Variants in THRAP3 observed in about 807,000 individuals in gnomAD.
THRAP3 encodes thyroid hormone receptor associated protein 3.
In THRAP3, 16 loss-of-function variants were observed where a neutral mutation model predicts 101.0. That is an observed-to-expected ratio of 0.16 (90% CI 0.11 to 0.24). The LOEUF is 0.24. Ranked by LOEUF, THRAP3 falls within the 10% of genes least tolerant of loss-of-function variation. The probability of loss-of-function intolerance (pLI) is 1.00; values close to 1 mark genes in which losing one functional copy is unlikely to be tolerated. For missense variants in THRAP3, 989 were observed against 1,202.7 expected (o/e 0.82, Z 2.63); for synonymous variants, 407 against 422.6 (o/e 0.96, Z 0.45).
At chr1:36,283,420 CT>C (rs2124586433) in intron 3 of THRAP3, among the ~76,000 whole-genome samples, 1 of 152,232 alleles carries the variant, frequency 6.6e-6, no homozygotes, top group South Asian at 2.1e-4. Context: ...ATTTTTCATT[CT>C]TTAAAAGTGT....
intron 2 of THRAP3, among the ~76,000 whole-genome samples, chr1:36,261,451 T>G (rs1570283375): frequency 6.6e-6 from 1 of 152,190 alleles, no homozygotes; most frequent in South Asian, 2.1e-4. Flanking sequence ...GAGAATGGCG[T>G]GAACCCGGGA....
chr1:36,303,251 A>C (rs1646052972), intron 11 of THRAP3, among the ~76,000 whole-genome samples: 2 of 151,454 alleles, frequency 1.3e-5, no homozygotes, highest in African/African-American at 4.9e-5. Context: ...GGCATGAGCC[A>C]CTGCACCCAG....
intron 1 of THRAP3, among the ~76,000 whole-genome samples, chr1:36,254,277 G>A (rs570248614): frequency 2.4e-4 from 37 of 152,122 alleles, no homozygotes; most frequent in Middle Eastern, 3.4e-3. Flanking sequence ...ATTTTTTACC[G>A]TCATTTGCTT....
intron 8 of THRAP3, among the ~76,000 whole-genome samples, chr1:36,294,474 C>G (rs1256244377): frequency 6.6e-6 from 1 of 151,956 alleles, no homozygotes. Context: ...ATGATGTGCA[C>G]GTAAACACTG....
chr1:36,260,649 C>T (rs1645433181), intron 2 of THRAP3, among the ~76,000 whole-genome samples: 1 of 151,856 alleles, frequency 6.6e-6, no homozygotes, highest in Non-Finnish European at 1.5e-5. Context: ...GGTGAAACCC[C>T]ATCTCTACTA....
intron 1 of THRAP3, among the ~76,000 whole-genome samples, chr1:36,237,773 CAAAA>C (rs1645108378): frequency 6.6e-6 from 1 of 150,830 alleles, no homozygotes; most frequent in Non-Finnish European, 1.5e-5. Flanking sequence ...TGTCTGAAAA[CAAAA>C]CAAACAAACA....
chr1:36,269,915 G>A (rs1645566627), intron 2 of THRAP3, among the ~76,000 whole-genome samples: 1 of 151,972 alleles, frequency 6.6e-6, no homozygotes, highest in Non-Finnish European at 1.5e-5. Flanking sequence ...TTTTAAGGAG[G>A]AAAATACACA....
chr1:36,296,468 AT>A, intron 8 of THRAP3, 114 bp from the exon 9 acceptor site: 1 of 801,716 alleles, frequency 1.2e-6, no homozygotes, highest in Non-Finnish European at 1.9e-6. Flanking sequence ...GATGCCTCAC[AT>A]TTCCCAGTGC....
chr1:36,244,832 C>T (rs1270364101), intron 1 of THRAP3, among the ~76,000 whole-genome samples: 1 of 152,102 alleles, frequency 6.6e-6, no homozygotes, highest in Non-Finnish European at 1.5e-5. Context: ...ATTTTCCTGC[C>T]TCAGCCTCCT....
chr1:36,233,096 T>C (rs1324675198), intron 1 of THRAP3, among the ~76,000 whole-genome samples: 1 of 151,680 alleles, frequency 6.6e-6, no homozygotes, highest in Non-Finnish European at 1.5e-5. Flanking sequence ...CTTGAACTCC[T>C]GACCTCAGGT....
the THRAP3 span, among the ~76,000 whole-genome samples, chr1:36,213,921 A>G: frequency 6.6e-5 from 8 of 121,492 alleles, no homozygotes; most frequent in African/African-American, 3.3e-4. Flanking sequence ...GAAAGAAAGA[A>G]AGAAAGAAAG....
Position 36,286,150 on chromosome 1 carries a change from A to G in THRAP3, c.138-218A>G, listed in dbSNP as rs1255659452. 3.9e-5 allele frequency among the ~76,000 whole-genome samples: 6 copies of G among 152,226 alleles called. No homozygotes were observed. The highest frequency in any genetic ancestry group is 3.9e-4 in the Admixed American group (6 of 15,282). On this transcript the variant is annotated intron_variant, in intron 3 of 11. Transcript: ENST00000354618. This position sits in a 1 kb window ranked among gnomAD's most constrained non-coding sequence, Gnocchi z 5.5. ...TTTAAATGTGCTGCAATATGAATGA[A>G]GTGACCTGTGTTTCATCACTTGTTC...
chr1:36,283,830 TG>T (rs1645763626), intron 3 of THRAP3, among the ~76,000 whole-genome samples: 1 of 152,204 alleles, frequency 6.6e-6, no homozygotes, highest in Non-Finnish European at 1.5e-5. Flanking sequence ...TTAGTAGTTT[TG>T]TTTTTTTACC....
rs755554289 is a variant in THRAP3, at chr1:36,289,534, C to G, written c.1515C>G (p.Gly505=). 6.2e-7 allele frequency: 1 copy of G among 1,613,894 alleles called. No individual in the cohort carries two copies. The highest frequency in any genetic ancestry group is 8.5e-7 in the Non-Finnish European group (1 of 1,180,000). Residue 505 remains glycine (G), a synonymous_variant, in exon 5 of 12, where the codon GGC becomes GGG. Transcript: ENST00000354618. The part of the protein sequence containing the change: ...FPERSKKEDR[G]KRSEGGHRGF... The stretch of plus-strand genomic sequence containing the variant: ...AGAGATCCAAAAAGGAAGATCGGGG[C>G]AAGAGAAGCGAAGGTGGGCACAGGG...
At chr1:36,267,397 A>G (rs2124520018) in intron 2 of THRAP3, among the ~76,000 whole-genome samples, 1 of 152,268 alleles carries the variant, frequency 6.6e-6, no homozygotes, top group East Asian at 1.9e-4. Context: ...GCTGTTCCGA[A>G]TCATCATTTT....
At chr1:36,232,106 C>G (rs538637625) in intron 1 of THRAP3, among the ~76,000 whole-genome samples, 3 of 152,200 alleles carry the variant, frequency 2.0e-5, no homozygotes, top group East Asian at 3.9e-4. Context: ...ATCTCAGCTA[C>G]TTGGGAGGCT....
chr1:36,288,600 T>C (rs1645825805), intron 4 of THRAP3: 1 of 985,396 alleles, frequency 1.0e-6, no homozygotes, highest in East Asian at 1.1e-4. Context: ...TTGAAGTCTC[T>C]TTTTAGACTT....
chr1:36,237,006 G>C (rs1645098203), intron 1 of THRAP3, among the ~76,000 whole-genome samples: 1 of 152,072 alleles, frequency 6.6e-6, no homozygotes, highest in Admixed American at 6.6e-5. Flanking sequence ...GAGAAACCCT[G>C]TCTCTACTAA....
the THRAP3 span, among the ~76,000 whole-genome samples, chr1:36,208,320 G>A: frequency 6.6e-6 from 1 of 152,142 alleles, no homozygotes; most frequent in African/African-American, 2.4e-5. Flanking sequence ...AGAAAACTAA[G>A]GCTCAGAGAG....
Sources: gnomAD v4.1 joint callset for allele counts (sites outside exome capture counted in the v4.1 genomes callset) on GRCh38, gnomAD v4.1.1 for gene constraint, Gnocchi (gnomAD v3.1) non-coding constraint, MANE v1.5 for transcripts, NCBI Gene and HGNC (gene_info 2026-07-23, HGNC 2026-07-21) for gene names.